FOXP2: variants seen among roughly 807,000 people sequenced by gnomAD.
FOXP2 encodes the protein forkhead box protein P2.
FOXP2 carries 12 observed loss-of-function variants against 115.8 expected under a neutral mutation model. The ratio of observed to expected loss-of-function variants is 0.10; its 90% confidence interval spans 0.07 to 0.17. FOXP2 has a LOEUF of 0.17. Ranked by LOEUF, FOXP2 falls within the 10% of genes least tolerant of loss-of-function variation. The pLI is 1.00. For missense variants in FOXP2, 629 were observed against 843.5 expected (o/e 0.75, Z 3.15); for synonymous variants, 328 against 297.7 (o/e 1.10, Z -1.05).
intron 2 of FOXP2, among the ~76,000 whole-genome samples, chr7:114,366,890 A>G (rs1037868660): frequency 1.3e-5 from 2 of 152,090 alleles, no homozygotes; most frequent in East Asian, 3.8e-4. Context: ...GGGGAATTAT[A>G]CTACAGCCTT....
intron 2 of FOXP2, among the ~76,000 whole-genome samples, chr7:114,437,823 T>C (rs1794423461): frequency 6.6e-6 from 1 of 152,128 alleles, no homozygotes; most frequent in Admixed American, 6.6e-5. Context: ...CACTACAGAC[T>C]CAGTCTGTAG....
At chr7:114,686,742 T>C (rs1395145329) in intron 16 of FOXP2, among the ~76,000 whole-genome samples, 1 of 152,156 alleles carries the variant, frequency 6.6e-6, no homozygotes, top group African/African-American at 2.4e-5. Flanking sequence ...AAATAAAATC[T>C]AAAAATTTTG....
intron 1 of FOXP2, among the ~76,000 whole-genome samples, chr7:114,097,300 A>G (rs1799673539): frequency 6.6e-6 from 1 of 152,106 alleles, no homozygotes; most frequent in Non-Finnish European, 1.5e-5. Context: ...TCCTCCCACC[A>G]TCTAGTTCCT....
In FOXP2 at chr7:114,294,863, A is replaced by ATAC. The variant is rs1562858444; in HGVS notation, c.-11+6754_-11+6755insTAC. 2.7e-3 allele frequency among the ~76,000 whole-genome samples: 408 copies of ATAC among 150,328 alleles called. 5 individuals are homozygous for ATAC. The highest frequency in any genetic ancestry group is 9.6e-3 in the African/African-American group (384 of 40,136). On this transcript the variant is annotated intron_variant, in intron 2 of 17. Transcript: ENST00000634411. The stretch of plus-strand genomic sequence containing the variant: ...CTCAAAATAAATAAATAAATAAATA[A>ATAC]ATACATACATACATACATACATACA...
At chr7:114,628,412 T>A in intron 3 of FOXP2, 128 bp from the exon 4 acceptor site, 2 of 1,250,998 alleles carry the variant, frequency 1.6e-6, no homozygotes, top group Non-Finnish European at 2.3e-6. Flanking sequence ...TATAGTAAAA[T>A]GTGACGTAAA....
intron 1 of FOXP2, among the ~76,000 whole-genome samples, chr7:114,260,012 T>A (rs769692007): frequency 1.3e-5 from 2 of 151,974 alleles, no homozygotes; most frequent in Non-Finnish European, 2.9e-5. Flanking sequence ...GCCTCAGCCT[T>A]CAGAGTAGCT....
intron 13 of FOXP2, 197 bp from the exon 14 acceptor site, chr7:114,661,868 T>C (rs1448258289): frequency 5.0e-6 from 3 of 601,344 alleles, no homozygotes; most frequent in Admixed American, 6.0e-5. Context: ...AAGGTTCTCT[T>C]ATCACAAAGT....
rs903076830 is a variant in FOXP2, at chr7:114,690,376, T to C, written c.*450T>C. 18 of 454,034 alleles carry C rather than the reference T, an allele frequency of 4.0e-5. No homozygotes were observed. Among genetic ancestry groups the C allele is most frequent in the Non-Finnish European group, 7.1e-5 (16 of 226,874 alleles). The allele number at this position is 454,034 out of a possible 1,614,324, so 28.1% of individuals were successfully genotyped here. On this transcript the variant is annotated 3_prime_UTR_variant, in exon 17 of 17. Coordinates refer to ENST00000350908, the MANE Select transcript of FOXP2 (RefSeq NM_014491.4). ...TAGTTGTAATGTTAGAAACAATTGC[T>C]GGTCAAGTTCAACTTGTTGCTATTG...
intron 2 of FOXP2, among the ~76,000 whole-genome samples, chr7:114,394,757 G>A (rs1176683394): frequency 6.6e-6 from 1 of 152,126 alleles, no homozygotes; most frequent in Non-Finnish European, 1.5e-5. Context: ...TAACTGGCCT[G>A]TGATCTTCTA....
intron 1 of FOXP2, among the ~76,000 whole-genome samples, chr7:114,171,150 T>C (rs1793126660): frequency 6.6e-6 from 1 of 152,180 alleles, no homozygotes. Flanking sequence ...CTGTCTTTGC[T>C]CTAGAAATGA....
intron 2 of FOXP2, among the ~76,000 whole-genome samples, chr7:114,515,339 G>A (rs1798280530): frequency 6.6e-6 from 1 of 151,320 alleles, no homozygotes; most frequent in Non-Finnish European, 1.5e-5. Flanking sequence ...CACCAACAGT[G>A]TAACAGTGTT....
chr7:114,429,473 T>C (rs547152279), intron 2 of FOXP2, among the ~76,000 whole-genome samples: 1 of 151,610 alleles, frequency 6.6e-6, no homozygotes, highest in African/African-American at 2.4e-5. Flanking sequence ...GAATGTATAA[T>C]ATATGGACGT....
chr7:114,176,516 T>C lies in FOXP2; in HGVS notation c.-102+13428T>C, dbSNP rs181134584. ...CACCACGCCCGGCTAATTTTTGTATTTTTTTGTAGAGTCGGGATTTCACCA... is the reference window on the plus strand; with the variant it reads ...CACCACGCCCGGCTAATTTTTGTATCTTTTTGTAGAGTCGGGATTTCACCA... On this transcript the variant is annotated intron_variant, in intron 1 of 17. Transcript: ENST00000634411. Among the ~76,000 whole-genome samples, 66 of 151,790 alleles carry C rather than the reference T, an allele frequency of 4.3e-4. 1 individual carries two copies. In the Middle Eastern group the frequency reaches 0.02, roughly 47 times the overall value.
At chr7:114,103,302 C>T (rs1166572368) in intron 1 of FOXP2, among the ~76,000 whole-genome samples, 1 of 152,078 alleles carries the variant, frequency 6.6e-6, no homozygotes, top group Admixed American at 6.6e-5. Context: ...CATTGGGAAG[C>T]TGATTACACC....
chr7:114,598,099 A>T (rs1204967074), intron 3 of FOXP2, among the ~76,000 whole-genome samples: 1 of 152,096 alleles, frequency 6.6e-6, no homozygotes, highest in Non-Finnish European at 1.5e-5. Flanking sequence ...TTTGCCTTCT[A>T]TAATGTTGAC....
intron 1 of FOXP2, among the ~76,000 whole-genome samples, chr7:114,254,124 C>A (rs1446057672): frequency 6.6e-6 from 1 of 152,164 alleles, no homozygotes; most frequent in Non-Finnish European, 1.5e-5. Context: ...ATTGGCCCCC[C>A]ACTCTCTTCT....
chr7:114,402,978 C>T (rs1792924512), intron 2 of FOXP2, among the ~76,000 whole-genome samples: 1 of 152,060 alleles, frequency 6.6e-6, no homozygotes, highest in Admixed American at 6.6e-5. Flanking sequence ...TTCTCTACTG[C>T]CTCTACACCT....
intron 1 of FOXP2, among the ~76,000 whole-genome samples, chr7:114,222,544 T>C (rs1794650285): frequency 6.6e-6 from 1 of 152,226 alleles, no homozygotes; most frequent in African/African-American, 2.4e-5. Context: ...CCTGGCCTTA[T>C]GTGTTACACT....
intron 1 of FOXP2, among the ~76,000 whole-genome samples, chr7:114,143,186 T>C: frequency 6.7e-6 from 1 of 148,740 alleles, no homozygotes; most frequent in South Asian, 2.1e-4. Flanking sequence ...ATAATAATAA[T>C]AGCCTACTTC....
Sources: gnomAD v4.1 joint callset for allele counts (sites outside exome capture counted in the v4.1 genomes callset) on GRCh38, gnomAD v4.1.1 for gene constraint, MANE v1.5 for transcripts, NCBI Gene and HGNC (gene_info 2026-07-23, HGNC 2026-07-21) for gene names.